The following MROH1 variants were observed in gnomAD, a reference collection of about 807,000 sequenced individuals.
MROH1 encodes maestro heat-like repeat-containing protein family member 1.
MROH1 carries 117 observed loss-of-function variants against 116.5 expected under a neutral mutation model. That is an observed-to-expected ratio of 1.00 (90% CI 0.86 to 1.17). The LOEUF is 1.17. MROH1 is among the 50% of genes most tolerant of loss of function. The probability of loss-of-function intolerance (pLI) is 0.00; values close to 1 mark genes in which losing one functional copy is unlikely to be tolerated. For synonymous variants in MROH1, 921 were observed against 583.9 expected (o/e 1.58, Z -8.32); for missense variants, 1,873 against 1,338.5 (o/e 1.40, Z -6.23).
chr8:144,189,107 G>C (rs1273807279), intron 7 of MROH1, among the ~76,000 whole-genome samples: 1 of 152,238 alleles, frequency 6.6e-6, no homozygotes, highest in Non-Finnish European at 1.5e-5. Context: ...CTTTGGAGCA[G>C]GGCCTGTAGC....
At chr8:144,214,834 C>T (rs373552274) in intron 12 of MROH1, among the ~76,000 whole-genome samples, 6 of 152,146 alleles carry the variant, frequency 3.9e-5, no homozygotes, top group East Asian at 1.9e-4. Flanking sequence ...GGGAATTTCA[C>T]GATCACAGGG....
intron 7 of MROH1, among the ~76,000 whole-genome samples, chr8:144,190,273 A>G (rs1373900261): frequency 6.6e-6 from 1 of 152,204 alleles, no homozygotes; most frequent in African/African-American, 2.4e-5. Context: ...GATGCCTGTA[A>G]TCTCAGCACT....
intron 3 of MROH1, among the ~76,000 whole-genome samples, chr8:144,165,280 G>A (rs1222385284): frequency 6.6e-6 from 1 of 151,738 alleles, no homozygotes; most frequent in African/African-American, 2.4e-5. Flanking sequence ...CACCATGTCC[G>A]ACTAATTTTT....
At chr8:144,189,036 A>C (rs991673528) in intron 7 of MROH1, among the ~76,000 whole-genome samples, 3 of 152,162 alleles carry the variant, frequency 2.0e-5, no homozygotes, top group African/African-American at 4.8e-5. Context: ...GTGTTATCTC[A>C]CATTAAGCAG....
chr8:144,162,824 G>A (rs1309960561), intron 2 of MROH1, among the ~76,000 whole-genome samples: 1 of 44,184 alleles, frequency 2.3e-5, no homozygotes, highest in Non-Finnish European at 9.3e-5. Flanking sequence ...CCAGGTTCAA[G>A]TGATTCTCAT....
At chr8:144,245,073 A>G in intron 28 of MROH1, 83 bp from the exon 29 acceptor site, 1 of 775,218 alleles carries the variant, frequency 1.3e-6, no homozygotes, top group Non-Finnish European at 2.4e-6. Flanking sequence ...TGGCAGGGAC[A>G]CTGAGCTGGC....
chr8:144,220,468 G>A (rs1175682365), intron 12 of MROH1, 132 bp from the exon 13 acceptor site: 3 of 662,370 alleles, frequency 4.5e-6, no homozygotes, highest in Non-Finnish European at 7.7e-6. Context: ...AAGAAAAGTG[G>A]GTATGCTTTC....
At chr8:144,242,940 T>C (rs1841271655) in intron 24 of MROH1, among the ~76,000 whole-genome samples, 1 of 151,334 alleles carries the variant, frequency 6.6e-6, no homozygotes, top group South Asian at 2.1e-4. Context: ...TGCTCCCCAG[T>C]GCTCATGGGG....
At chr8:144,159,799 G>A (rs7001910) in intron 1 of MROH1, among the ~76,000 whole-genome samples, 11,832 of 129,328 alleles carry the variant, frequency 0.091, 1,637 homozygotes, top group African/African-American at 0.31. Flanking sequence ...ACGGAGTCTC[G>A]CTTTGTCGCC....
At chr8:144,169,908 A>G (rs1170454915) in intron 4 of MROH1, among the ~76,000 whole-genome samples, 2 of 152,238 alleles carry the variant, frequency 1.3e-5, no homozygotes, top group Non-Finnish European at 2.9e-5. Flanking sequence ...ATCTCGGCTC[A>G]CTGCAACCTC....
At chr8:144,237,117 G>A (rs1360493099) in intron 14 of MROH1, among the ~76,000 whole-genome samples, 3 of 151,828 alleles carry the variant, frequency 2.0e-5, no homozygotes, top group African/African-American at 7.3e-5. Flanking sequence ...GTGTTGGCCA[G>A]GATGGTCTCG....
Position 144,244,214 on chromosome 8 carries a change from C to T in MROH1, c.2556-8C>T. On this transcript the variant is annotated splice_region_variant and splice_polypyrimidine_tract_variant and intron_variant, in intron 26 of 43. Coordinates refer to ENST00000326134, the MANE Select transcript of MROH1 (RefSeq NM_032450.3). ...ATCATTGTCTGGGGCCCTTAACTTG[C>T]CTCTCAGCTCCGTGGAGCCAGCGCT... The T allele has an allele frequency of 1.4e-6, 1 of 717,252 alleles. No homozygotes were observed. Among genetic ancestry groups the T allele is most frequent in the Non-Finnish European group, 2.6e-6 (1 of 384,908 alleles). The allele number at this position is 717,252 out of a possible 1,614,324, so 44.4% of individuals were successfully genotyped here.
intron 10 of MROH1, among the ~76,000 whole-genome samples, chr8:144,196,134 CA>C (rs1829837594): frequency 6.6e-6 from 1 of 151,470 alleles, no homozygotes; most frequent in East Asian, 2.0e-4. Context: ...ACTGAAAATA[CA>C]AAAAATTAGC....
chr8:144,166,424 C>T (rs547303537), intron 3 of MROH1, among the ~76,000 whole-genome samples: 1 of 152,336 alleles, frequency 6.6e-6, no homozygotes, highest in South Asian at 2.1e-4. Context: ...ACGCAGGCCC[C>T]GGTTCAGCTC....
chr8:144,233,084 C>G (rs1178811094), intron 14 of MROH1, among the ~76,000 whole-genome samples: 3 of 151,954 alleles, frequency 2.0e-5, no homozygotes, highest in Admixed American at 6.5e-5. Context: ...TCTGCCTTGG[C>G]CTCCCAAAGG....
chr8:144,157,989 CTT>C (rs1157662078), intron 1 of MROH1, among the ~76,000 whole-genome samples: 8 of 88,868 alleles, frequency 9.0e-5, no homozygotes, highest in African/African-American at 2.6e-4. Flanking sequence ...CTATTTCTTT[CTT>C]TTTTTTTTTT....
intron 7 of MROH1, among the ~76,000 whole-genome samples, chr8:144,181,193 C>A (rs1294020588): frequency 6.7e-6 from 1 of 149,910 alleles, no homozygotes; most frequent in Non-Finnish European, 1.5e-5. Flanking sequence ...ACAGGACCCT[C>A]GTGCCCAGGG....
intron 12 of MROH1, among the ~76,000 whole-genome samples, chr8:144,218,050 T>C (rs6989380): frequency 0.97 from 120,470 of 123,692 alleles, 58,641 homozygotes; most frequent in East Asian, 0.99. Flanking sequence ...CCCAGGATCC[T>C]TCTGGGTGGC....
intron 3 of MROH1, among the ~76,000 whole-genome samples, chr8:144,165,744 G>GTTT (rs1332159480): frequency 2.1e-5 from 3 of 142,266 alleles, no homozygotes; most frequent in African/African-American, 7.9e-5. Context: ...CGTAATTTTT[G>GTTT]TATTTTTTTT....
Sources: gnomAD v4.1 joint callset for allele counts (sites outside exome capture counted in the v4.1 genomes callset) on GRCh38, gnomAD v4.1.1 for gene constraint, MANE v1.5 for transcripts, NCBI Gene and HGNC (gene_info 2026-07-23, HGNC 2026-07-21) for gene names.